Variants in LRRK1 observed in about 807,000 individuals in gnomAD.
The protein encoded by LRRK1 is leucine rich repeat kinase 1, also known as leucine-rich repeat serine/threonine-protein kinase 1.
A neutral mutation model predicts 209.1 loss-of-function variants in LRRK1; 113 were observed. The ratio of observed to expected loss-of-function variants is 0.54; its 90% CI spans 0.46 to 0.63. The LOEUF (loss-of-function observed/expected upper bound fraction) is 0.63, where lower values mean the gene tolerates loss of function less well. LRRK1 is among the 30% of genes least tolerant of loss of function. The pLI is 0.00. For missense variants in LRRK1, 2,284 were observed against 2,632.2 expected (o/e 0.87, Z 2.89); for synonymous variants, 1,144 against 1,099.7 (o/e 1.04, Z -0.80).
intron 20 of LRRK1, among the ~76,000 whole-genome samples, chr15:101,041,604 C>T (rs1462888867): frequency 2.6e-5 from 4 of 152,068 alleles, no homozygotes; most frequent in Non-Finnish European, 4.4e-5. Context: ...TAATATTATA[C>T]CACCTTGAAT....
chr15:100,982,574 A>G (rs559626780), intron 3 of LRRK1, among the ~76,000 whole-genome samples: 9 of 152,336 alleles, frequency 5.9e-5, no homozygotes, highest in African/African-American at 9.6e-5. Flanking sequence ...GCTTAGGTCC[A>G]GTTTCCACCA....
rs761484193 is a variant in LRRK1 at position 101,055,160 on chromosome 15, C to T, written c.4269C>T (p.Gly1423=). The T allele has an allele frequency of 2.6e-5, 42 of 1,610,842 alleles. No individual in the cohort carries two copies. Among genetic ancestry groups the T allele is most frequent in the East Asian group, 1.1e-4 (5 of 44,804 alleles). Residue 1423 remains glycine (G), a synonymous_variant, in exon 27 of 34, where the codon GGC becomes GGT. Coordinates refer to ENST00000388948, the MANE Select transcript of LRRK1 (RefSeq NM_024652.6). The part of the protein sequence containing the change: ...SRQSFHEGAL[G]VEGTPGYQAP... ...AGTCATTCCATGAGGGCGCCCTAGGCGTGGAGGGCACTCCTGGCTACCAGG... is the reference window on the plus strand; with the variant it reads ...AGTCATTCCATGAGGGCGCCCTAGGTGTGGAGGGCACTCCTGGCTACCAGG...
chr15:101,048,543 T>C lies in LRRK1; in HGVS notation c.3185T>C (p.Ile1062Thr). Reference protein sequence around the residue: ...NTKSRNRKVTIYSFTGNQRNR... With the variant: ...NTKSRNRKVTTYSFTGNQRNR... ...AAAAGCAGGAACAGGAAAGTCACCATTTACAGTTTTACAGGAAACCAGAGA... is the reference window on the plus strand; with the variant it reads ...AAAAGCAGGAACAGGAAAGTCACCACTTACAGTTTTACAGGAAACCAGAGA... The change falls in exon 22 of 34, where the codon ATT becomes ACT. Residue 1062 changes from isoleucine to threonine, a missense_variant. By Grantham distance (89) the Ile-to-Thr change is moderately conservative. This residue lies in a region of LRRK1 where 780 missense variants were observed against 985.2 expected (regional missense o/e 0.79). Transcript: ENST00000388948. The C allele has an allele frequency of 6.3e-7, 1 of 1,595,854 alleles. No homozygotes were observed. Among genetic ancestry groups the C allele is most frequent in the Non-Finnish European group, 8.5e-7 (1 of 1,174,626 alleles).
intron 33 of LRRK1, among the ~76,000 whole-genome samples, chr15:101,067,798 C>T (rs78614488): frequency 8.0e-4 from 122 of 152,356 alleles, no homozygotes; most frequent in African/African-American, 2.7e-3. Flanking sequence ...GCAGGTCGGG[C>T]TTCTGGAGGA....
chr15:101,026,962 G>A (rs2034059892), intron 17 of LRRK1, among the ~76,000 whole-genome samples: 1 of 152,086 alleles, frequency 6.6e-6, no homozygotes, highest in Non-Finnish European at 1.5e-5. Flanking sequence ...AGTCCAGCCT[G>A]TGTGAGCCTG....
rs1034426276 is a variant in LRRK1, at chr15:101,074,850, G to A, written c.*6002G>A. On this transcript the variant is annotated 3_prime_UTR_variant, in exon 34 of 34. Transcript: ENST00000388948. ...CTGGCCACCAGGCCAAGGAATGCCTGCAGCCCAGGATTCCTCCTAAGCCGT... is the reference window on the plus strand; with the variant it reads ...CTGGCCACCAGGCCAAGGAATGCCTACAGCCCAGGATTCCTCCTAAGCCGT... 5.3e-5 allele frequency: 8 copies of A among 152,066 alleles called. No individual in the cohort carries two copies. Among genetic ancestry groups the A allele is most frequent in the African/African-American group, 1.2e-4 (5 of 41,414 alleles). The allele number at this position is 152,066 out of a possible 1,614,324, so 9.4% of individuals were successfully genotyped here.
intron 20 of LRRK1, among the ~76,000 whole-genome samples, chr15:101,044,432 T>C (rs1371944352): frequency 6.6e-6 from 1 of 152,188 alleles, no homozygotes; most frequent in Admixed American, 6.5e-5. Flanking sequence ...AGAATTTACC[T>C]CTTAGGACCT....
chr15:101,062,471 C>A, intron 30 of LRRK1, 103 bp from the exon 31 acceptor site: 1 of 808,606 alleles, frequency 1.2e-6, no homozygotes, highest in Non-Finnish European at 2.2e-6. Flanking sequence ...TTCCAAGACC[C>A]ATAGGGGATC....
chr15:100,969,715 C>G (rs899203421), intron 2 of LRRK1, among the ~76,000 whole-genome samples: 3 of 152,092 alleles, frequency 2.0e-5, no homozygotes, highest in Non-Finnish European at 4.4e-5. Context: ...TCTCATTGGT[C>G]AGCTCCCACT....
intron 20 of LRRK1, chr15:101,043,719 A>G (rs1467390033): frequency 1.3e-5 from 2 of 152,276 alleles, no homozygotes; most frequent in African/African-American, 4.8e-5. Context: ...TGGGACGCAC[A>G]AGTATGAATC....
chr15:101,025,622 C>T (rs560420524), intron 16 of LRRK1, among the ~76,000 whole-genome samples: 1 of 152,266 alleles, frequency 6.6e-6, no homozygotes, highest in South Asian at 2.1e-4. Context: ...AGAGAGGGAG[C>T]AGGAGAGACA....
At position 101,027,295 on chromosome 15, in the gene LRRK1, G is replaced by A. The variant is rs200114885; in HGVS notation, c.2440G>A (p.Gly814Arg). Residue 814 changes from glycine (G) to arginine (R), a missense_variant, in exon 18 of 34, where the codon GGG (glycine) becomes AGG (arginine). Physicochemically the swap from Gly to Arg is moderately radical, Grantham distance 125. Around this residue, in one of 6 missense-constraint regions of LRRK1, gnomAD observed 780 missense variants for 985.2 expected, o/e 0.79. Transcript: ENST00000388948. This position sits in a 1 kb window ranked among gnomAD's most constrained non-coding sequence, Gnocchi z 5.1. ...ISCKSLEGQEGLRQLIFHVTC... is the reference protein window; with the variant it reads ...ISCKSLEGQERLRQLIFHVTC... Reference sequence around the variant, plus strand: ...CTGCAAGAGCCTGGAAGGTCAGGAAGGGCTGCGACAGCTGATTTTCCACGT... The same window carrying A: ...CTGCAAGAGCCTGGAAGGTCAGGAAAGGCTGCGACAGCTGATTTTCCACGT... 650 of 1,614,150 alleles carry A rather than the reference G, an allele frequency of 4.0e-4. No individual in the cohort carries two copies. Among genetic ancestry groups the A allele is most frequent in the Non-Finnish European group, 5.2e-4 (616 of 1,180,020 alleles).
In LRRK1 at chr15:101,065,830, C is replaced by T; in HGVS notation, c.5393C>T (p.Ala1798Val). ...PVRPLDTEPP[A>V]ASHTANPKVP... ...CGGCCCTTGGACACGGAACCCCCGG[C>T]AGCCAGCCACACGGCCAACCCAAAG... The change falls in exon 32 of 34, where the codon GCA becomes GTA. Residue 1798 changes from alanine (A) to valine (V), a missense_variant. Around this residue, in one of 6 missense-constraint regions of LRRK1, gnomAD observed 643 missense variants for 695.9 expected, o/e 0.92. Transcript: ENST00000388948. 1 of 1,614,134 alleles carries T rather than the reference C, an allele frequency of 6.2e-7. No homozygotes were observed. The highest frequency in any genetic ancestry group is 8.5e-7 in the Non-Finnish European group (1 of 1,180,030).
At chr15:100,941,446 C>CTGTGTCTCTGTGTGTGTCTGTGTGTG (rs2042428648) in intron 2 of LRRK1, among the ~76,000 whole-genome samples, 6 of 72,524 alleles carry the variant, frequency 8.3e-5, no homozygotes, top group East Asian at 3.9e-4. Context: ...GTGTGTGTGT[C>CTGTGTCTCTGTGTGTGTCTGTGTGTG]TGTGTGTGTC....
rs199512110 is a variant in LRRK1 at position 101,015,323 on chromosome 15, C to T, written c.1533-3C>T. 3.0e-5 allele frequency: 48 copies of T among 1,613,026 alleles called. No homozygotes were observed. The highest frequency in any genetic ancestry group is 1.6e-4 in the Middle Eastern group (1 of 6,082). On this transcript the variant is annotated splice_region_variant and splice_polypyrimidine_tract_variant and intron_variant, in intron 11 of 33. Transcript: ENST00000388948. ...AAATTTTGTCTCTTTTTCCTCCCCC[C>T]AGAAATGAAGATGGACTGAAAACGA...
At chr15:100,928,548 A>G (rs1214392059) in intron 2 of LRRK1, among the ~76,000 whole-genome samples, 1 of 152,240 alleles carries the variant, frequency 6.6e-6, no homozygotes, top group Non-Finnish European at 1.5e-5. Context: ...ATGTAGGGAC[A>G]GCTTTCTCAT....
Position 101,053,440 on chromosome 15 carries a change from C to A in LRRK1, c.4054+20C>A. 6.5e-7 allele frequency: 1 copy of A among 1,548,972 alleles called. No homozygotes were observed. Among genetic ancestry groups the A allele is most frequent in the Non-Finnish European group, 8.7e-7 (1 of 1,151,240 alleles). The stretch of plus-strand genomic sequence containing the variant: ...CCAGAGGTACCGCGGCGCGCCGCCC[C>A]ACCCGGCCCCGGAGACCGACAGAGC... On this transcript the variant is annotated intron_variant, in intron 26 of 33. Coordinates refer to ENST00000388948, the MANE Select transcript of LRRK1 (RefSeq NM_024652.6).
In LRRK1 at chr15:100,941,466, G is replaced by GTGTGTGTC. The variant is rs1567191251; in HGVS notation, c.97+16744_97+16745insCTGTGTGT. On this transcript the variant is annotated intron_variant, in intron 2 of 33. Coordinates refer to ENST00000388948, the MANE Select transcript of LRRK1 (RefSeq NM_024652.6). ...TGTGTCTGTGTGTGTCTATGTCTCT[G>GTGTGTGTC]TGTGTGTGTGTGTGTGTGTGTGTGT... Among the ~76,000 whole-genome samples, 75 of 108,486 alleles carry GTGTGTGTC rather than the reference G, an allele frequency of 6.9e-4. 6 individuals carry two copies. Among genetic ancestry groups the GTGTGTGTC allele is most frequent in the South Asian group, 1.6e-3 (5 of 3,174 alleles). The allele number at this position is 108,486 out of a possible 152,430, so 71.2% of individuals were successfully genotyped here.
chr15:101,010,939 G>GCGAAGC, intron 9 of LRRK1, 102 bp downstream of exon 9: 1 of 1,031,076 alleles, frequency 9.7e-7, no homozygotes, highest in Non-Finnish European at 1.4e-6. Context: ...CCCCTCAGCA[G>GCGAAGC]CGAAGCCGGG....
Sources: allele counts gnomAD v4.1 joint callset (sites outside exome capture counted in the v4.1 genomes callset), GRCh38; gene constraint gnomAD v4.1.1; regional missense constraint gnomAD v4.1.1; non-coding constraint Gnocchi (gnomAD v3.1); transcripts MANE v1.5; gene names NCBI Gene and HGNC (gene_info 2026-07-23, HGNC 2026-07-21).